TP53I13: variants seen among roughly 807,000 people sequenced by gnomAD.
TP53I13 encodes the protein tumor protein p53-inducible protein 13.
Under a neutral mutation model 39.1 loss-of-function variants are expected in TP53I13, and 27 were observed. That is an observed-to-expected ratio of 0.69 (90% CI 0.51 to 0.95). The LOEUF (loss-of-function observed/expected upper bound fraction) is 0.95, where lower values mean the gene tolerates loss of function less well. Among genes scored for constraint, TP53I13 ranks in the 40% least tolerant of loss-of-function variants. The pLI is 0.00. For synonymous variants in TP53I13, 230 were observed against 224.6 expected (o/e 1.02, Z -0.22); for missense variants, 544 against 520.4 (o/e 1.05, Z -0.44).
chr17:29,581,058 C>T, the TP53I13 span: 56 of 480,168 alleles, frequency 1.2e-4, no homozygotes, highest in East Asian at 1.9e-3. The surrounding 1 kb of genome is among the most constrained non-coding windows in gnomAD (Gnocchi z 4.8). Flanking sequence ...GGATTACAGG[C>T]GTGAGCCACC....
the TP53I13 span, chr17:29,581,840 T>C: frequency 6.2e-7 from 1 of 1,611,982 alleles, no homozygotes; most frequent in Non-Finnish European, 8.5e-7. The surrounding 1 kb of genome is among the most constrained non-coding windows in gnomAD (Gnocchi z 4.8). Context: ...CGCCTGCCTG[T>C]GAGGAGGGGG....
At position 29,568,918 on chromosome 17, in the gene TP53I13, G is replaced by T; in HGVS notation, c.72+88G>T. On this transcript the variant is annotated intron_variant, in intron 1 of 6. Transcript: ENST00000301057. This position sits in a 1 kb window ranked among gnomAD's most constrained non-coding sequence, Gnocchi z 4.5. ...CGTCCTGGAAGGAGTGGCGCGCCGA[G>T]GGGGACGCGGAGTTCTTCCGCTGGC... The T allele has an allele frequency of 3.8e-6, 6 of 1,596,660 alleles. No individual in the cohort carries two copies. In the South Asian group the frequency reaches 6.6e-5, roughly 18 times the overall value.
downstream of TP53I13, chr17:29,573,634 C>T (rs2033068597): frequency 6.6e-6 from 1 of 152,578 alleles, no homozygotes; most frequent in Admixed American, 6.5e-5. Context: ...AGGCTGCAGC[C>T]AGGTTCCCAG....
chr17:29,582,147 A>G, the TP53I13 span: 6 of 1,557,258 alleles, frequency 3.9e-6, no homozygotes, highest in Non-Finnish European at 5.2e-6. Flanking sequence ...TGTAGTTGCT[A>G]AGAGGAGCAG....
chr17:29,572,209 C>T lies in TP53I13; in HGVS notation c.581C>T (p.Pro194Leu), dbSNP rs748199090. The T allele has an allele frequency of 1.2e-6, 2 of 1,611,806 alleles. No individual in the cohort carries two copies. The highest frequency in any genetic ancestry group is 1.7e-6 in the Non-Finnish European group (2 of 1,179,796). Residue 194 changes from proline to leucine, a missense_variant, in exon 6 of 7, where the codon CCC becomes CTC. Coordinates refer to ENST00000301057, the MANE Select transcript of TP53I13 (RefSeq NM_138349.4). ...PPGTEVTSQG[P>L]RQPSSSGAKR... Reference sequence around the variant, plus strand: ...GGCACAGAGGTGACATCTCAAGGGCCCAGGCAGCCCTCTTCTAGTGGTGCC... The same window carrying T: ...GGCACAGAGGTGACATCTCAAGGGCTCAGGCAGCCCTCTTCTAGTGGTGCC...
At position 29,572,260 on chromosome 17, in the gene TP53I13, T is replaced by G. The variant is rs1491000251; in HGVS notation, c.632T>G (p.Leu211Arg). 6.2e-7 allele frequency: 1 copy of G among 1,612,650 alleles called. No individual in the cohort carries two copies. The highest frequency in any genetic ancestry group is 1.3e-5 in the African/African-American group (1 of 74,936). The change falls in exon 6 of 7, where the codon CTT becomes CGT. Residue 211 changes from leucine to arginine, a missense_variant. By Grantham distance (102) the Leu-to-Arg change is moderately radical (BLOSUM62 -2). Transcript: ENST00000301057. ...AAGAGGCGGAGGCTGCGGGCTGCCC[T>G]TGGTCCCCAGCCCACTCGCTCAGCC... ...GAKRRRLRAA[L>R]GPQPTRSALR...
chr17:29,580,213 G>A, the TP53I13 span, among the ~76,000 whole-genome samples: 5 of 152,302 alleles, frequency 3.3e-5, no homozygotes, highest in East Asian at 1.9e-4. Flanking sequence ...AGCTGGCTCC[G>A]GGAAGGTGCT....
the TP53I13 span, chr17:29,578,374 G>T: frequency 6.2e-7 from 1 of 1,613,962 alleles, no homozygotes; most frequent in Non-Finnish European, 8.5e-7. Flanking sequence ...TTGCTGAGCT[G>T]GAGGAAGAGA....
At chr17:29,581,792 T>C in the TP53I13 span, 2 of 1,612,540 alleles carry the variant, frequency 1.2e-6, no homozygotes, top group Non-Finnish European at 1.7e-6. This position sits in a 1 kb window ranked among gnomAD's most constrained non-coding sequence, Gnocchi z 4.8. Context: ...GAGCTCATAT[T>C]GGCACTCAAC....
rs764844207 is a variant in TP53I13, at chr17:29,568,766, C to T, written c.8C>T (p.Pro3Leu). MA[P>L]PPPSPQLLLL... The stretch of plus-strand genomic sequence containing the variant: ...GGCCCGGGGCCGCTTGGAATGGCGC[C>T]TCCTCCGCCTTCGCCCCAACTGCTT... Residue 3 changes from proline to leucine, a missense_variant, in exon 1 of 7, where the codon CCT becomes CTT. By Grantham distance (98) the Pro-to-Leu change is moderately conservative. Transcript: ENST00000301057. This position sits in a 1 kb window ranked among gnomAD's most constrained non-coding sequence, Gnocchi z 4.5. 1.9e-5 allele frequency: 30 copies of T among 1,587,846 alleles called. No homozygotes were observed. The highest frequency in any genetic ancestry group is 9.5e-5 in the African/African-American group (7 of 73,632).
Position 29,569,343 on chromosome 17 carries a change from G to C in TP53I13, c.167G>C (p.Arg56Pro). The C allele has an allele frequency of 2.5e-6, 4 of 1,613,858 alleles. No homozygotes were observed. Among genetic ancestry groups the C allele is most frequent in the Non-Finnish European group, 3.4e-6 (4 of 1,179,904 alleles). The change falls in exon 3 of 7, where the codon CGA (arginine) becomes CCA (proline). Residue 56 changes from arginine to proline, a missense_variant. By Grantham distance (103) the Arg-to-Pro change is moderately radical (BLOSUM62 -2). Transcript: ENST00000301057. ...GTGTCACCAAGAGTGACCTACACAC[G>C]AGTGAGCCCAGGGCAGGTGAGTACA... ...PQVSPRVTYTRVSPGQAEDVT... is the reference protein window; with the variant it reads ...PQVSPRVTYTPVSPGQAEDVT...
chr17:29,570,937 C>T (rs2032900263), intron 3 of TP53I13: 1 of 152,424 alleles, frequency 6.6e-6, no homozygotes, highest in Admixed American at 6.5e-5. Flanking sequence ...TGGCATCAGC[C>T]TTTATTCCTC....
At chr17:29,567,114 A>G, upstream of TP53I13, 1 of 572,284 alleles carries the variant, frequency 1.7e-6, no homozygotes, top group Non-Finnish European at 2.3e-6. The surrounding 1 kb of genome is among the most constrained non-coding windows in gnomAD (Gnocchi z 6.6). Context: ...GGCCGGGCAG[A>G]GGCAGCCAGT....
At chr17:29,567,816 G>A (rs1041297836), upstream of TP53I13, among the ~76,000 whole-genome samples, 2 of 152,146 alleles carry the variant, frequency 1.3e-5, no homozygotes, top group African/African-American at 2.4e-5. This position sits in a 1 kb window ranked among gnomAD's most constrained non-coding sequence, Gnocchi z 6.6. Flanking sequence ...CTCGTAAACC[G>A]GGGTGCATGG....
Position 29,572,144 on chromosome 17 carries a change from C to T in TP53I13, c.516C>T (p.Ala172=), listed in dbSNP as rs1486245868. The T allele has an allele frequency of 6.2e-7, 1 of 1,608,644 alleles. No individual in the cohort carries two copies. The highest frequency in any genetic ancestry group is 2.2e-5 in the East Asian group (1 of 44,746). ...ATTGCTCTCTCTCCTCTCCTTAGGCCCTGGCTCTGGCCTTTGCTCTGCGGA... is the reference window on the plus strand; with the variant it reads ...ATTGCTCTCTCTCCTCTCCTTAGGCTCTGGCTCTGGCCTTTGCTCTGCGGA... ...GRLCRRGCVQ[A]LALAFALRSW... Residue 172 remains alanine, a splice_region_variant and synonymous_variant, in exon 6 of 7, where the codon GCC becomes GCT. Coordinates refer to ENST00000301057, the MANE Select transcript of TP53I13 (RefSeq NM_138349.4).
the TP53I13 span, among the ~76,000 whole-genome samples, chr17:29,579,759 T>C: frequency 1.3e-5 from 2 of 151,746 alleles, no homozygotes; most frequent in East Asian, 3.9e-4. Context: ...TTGCATACAT[T>C]CTTATCTAAT....
downstream of TP53I13, chr17:29,574,783 C>T: frequency 6.2e-7 from 1 of 1,613,298 alleles, no homozygotes. Flanking sequence ...GGATCACCTG[C>T]TGAGTCAGCA....
the TP53I13 span, chr17:29,581,805 G>T: frequency 6.2e-7 from 1 of 1,612,584 alleles, no homozygotes. This position sits in a 1 kb window ranked among gnomAD's most constrained non-coding sequence, Gnocchi z 4.8. Flanking sequence ...CACTCAACCA[G>T]CCTTTCCGCC....
chr17:29,578,472 C>T, the TP53I13 span: 23 of 1,061,442 alleles, frequency 2.2e-5, 1 homozygote, highest in South Asian at 2.9e-4. Context: ...CGGTGGCCTT[C>T]CTTGTGCTGC....
Sources: allele counts gnomAD v4.1 joint callset (sites outside exome capture counted in the v4.1 genomes callset), GRCh38; gene constraint gnomAD v4.1.1; non-coding constraint Gnocchi (gnomAD v3.1); transcripts MANE v1.5; gene names NCBI Gene and HGNC (gene_info 2026-07-23, HGNC 2026-07-21).